Variants in EVI5 observed in about 807,000 individuals in gnomAD.
EVI5 encodes the protein ecotropic viral integration site 5, also known as ecotropic viral integration site 5 protein homolog.
A neutral mutation model predicts 112.0 loss-of-function variants in EVI5; 73 were observed. That is an observed-to-expected ratio of 0.65 (90% CI 0.54 to 0.79). The LOEUF (loss-of-function observed/expected upper bound fraction) is 0.79, where lower values mean the gene tolerates loss of function less well. Ranked by LOEUF, EVI5 falls within the 30% of genes least tolerant of loss-of-function variation. The probability of loss-of-function intolerance (pLI) is 0.00; values close to 1 mark genes in which losing one functional copy is unlikely to be tolerated. For synonymous variants in EVI5, 305 were observed against 319.9 expected (o/e 0.95, Z 0.50); for missense variants, 900 against 968.8 (o/e 0.93, Z 0.94).
At chr1:92,630,673 T>C (rs1328200904) in intron 14 of EVI5, among the ~76,000 whole-genome samples, 1 of 152,038 alleles carries the variant, frequency 6.6e-6, no homozygotes, top group Non-Finnish European at 1.5e-5. Context: ...TTTAGTTTAA[T>C]TAGATCCCAT....
At chr1:92,546,568 C>T (rs563787258) in intron 19 of EVI5, among the ~76,000 whole-genome samples, 1 of 151,920 alleles carries the variant, frequency 6.6e-6, no homozygotes, top group Non-Finnish European at 1.5e-5. Flanking sequence ...TGGTGGCACA[C>T]GCATGTAATA....
intron 14 of EVI5, among the ~76,000 whole-genome samples, chr1:92,634,481 G>C (rs1658274605): frequency 6.6e-6 from 1 of 152,046 alleles, no homozygotes; most frequent in Admixed American, 6.6e-5. Flanking sequence ...CGGCTACTGA[G>C]GCTTGTGCAT....
chr1:92,544,613 C>A (rs1276632098), intron 19 of EVI5, among the ~76,000 whole-genome samples: 1 of 152,010 alleles, frequency 6.6e-6, no homozygotes, highest in Non-Finnish European at 1.5e-5. Context: ...ATGGTTTAGA[C>A]TGAAATATTA....
intron 16 of EVI5, among the ~76,000 whole-genome samples, chr1:92,614,426 A>G (rs1324750869): frequency 6.6e-6 from 1 of 152,174 alleles, no homozygotes; most frequent in Non-Finnish European, 1.5e-5. Flanking sequence ...ACTTGATTGG[A>G]TTGAAGGATA....
intron 9 of EVI5, among the ~76,000 whole-genome samples, chr1:92,679,041 G>A (rs1341394287): frequency 6.6e-6 from 1 of 152,174 alleles, no homozygotes; most frequent in Admixed American, 6.5e-5. Flanking sequence ...TCATACAGCA[G>A]GAGGTGAACG....
chr1:92,774,210 C>G (rs1443716626), intron 1 of EVI5, among the ~76,000 whole-genome samples: 1 of 152,162 alleles, frequency 6.6e-6, no homozygotes, highest in African/African-American at 2.4e-5. Flanking sequence ...ACTTCAAGGT[C>G]TTTTCACCAT....
intron 16 of EVI5, among the ~76,000 whole-genome samples, chr1:92,608,225 TAG>T (rs1414611121): frequency 6.6e-6 from 1 of 152,122 alleles, no homozygotes; most frequent in Non-Finnish European, 1.5e-5. Flanking sequence ...CTGTCAATAT[TAG>T]AGACTCTCAA....
chr1:92,551,040 CTTTTTTTTTTTT>C lies in EVI5; in HGVS notation c.2166+12590_2166+12601del, dbSNP rs55898086. Among the ~76,000 whole-genome samples the C allele has an allele frequency of 1.8e-3, 143 of 80,730 alleles. 1 individual carries two copies. Among genetic ancestry groups the C allele is most frequent in the African/African-American group, 6.9e-3 (135 of 19,522 alleles). 53.0% of individuals were successfully genotyped at this position (80,730 alleles called of 152,430 possible). ...TCTTTTTTCTTTTCTTTCTTTCTTT[CTTTTTTTTTTTT>C]TTTTTTTTGAGACTTAGTCTCATTC... On this transcript the variant is annotated intron_variant, in intron 19 of 19. Coordinates refer to ENST00000684568, the MANE Select transcript of EVI5 (RefSeq NM_001350197.2).
intron 6 of EVI5, 124 bp from the exon 7 acceptor site, chr1:92,695,577 G>T: frequency 1.9e-6 from 1 of 523,046 alleles, no homozygotes; most frequent in Non-Finnish European, 3.2e-6. Flanking sequence ...GAAAAGGTAA[G>T]ACATAGACAT....
intron 19 of EVI5, among the ~76,000 whole-genome samples, chr1:92,517,410 T>C (rs1174007773): frequency 6.6e-6 from 1 of 152,158 alleles, no homozygotes; most frequent in African/African-American, 2.4e-5. Flanking sequence ...CAATCCCCCA[T>C]AGATACCAAG....
chr1:92,725,679 C>T (rs1052602496), intron 2 of EVI5, among the ~76,000 whole-genome samples: 2 of 150,436 alleles, frequency 1.3e-5, no homozygotes, highest in South Asian at 2.1e-4. Flanking sequence ...GCCGTGGTCA[C>T]GCCACTGTAC....
Position 92,702,221 on chromosome 1 carries a change from A to G in EVI5, c.565-6T>C. ...CGATCTACTAAAGAGTAAGCCTAAAAAGTAAAAAAAAGTTGTTCAAAATAC... is the reference window on the plus strand; with the variant it reads ...CGATCTACTAAAGAGTAAGCCTAAAGAGTAAAAAAAAGTTGTTCAAAATAC... On this transcript the variant is annotated splice_region_variant and splice_polypyrimidine_tract_variant and intron_variant, in intron 4 of 19. Coordinates refer to ENST00000684568, the MANE Select transcript of EVI5 (RefSeq NM_001350197.2). 6.7e-7 allele frequency: 1 copy of G among 1,484,494 alleles called. No individual in the cohort carries two copies. The highest frequency in any genetic ancestry group is 9.0e-7 in the Non-Finnish European group (1 of 1,107,484). The allele number at this position is 1,484,494 out of a possible 1,614,324, so 92.0% of individuals were successfully genotyped here.
intron 1 of EVI5, among the ~76,000 whole-genome samples, chr1:92,778,843 C>T (rs781278861): frequency 6.6e-6 from 1 of 152,182 alleles, no homozygotes; most frequent in Non-Finnish European, 1.5e-5. Flanking sequence ...CATCTTATAT[C>T]GGTTACATGG....
Position 92,725,872 on chromosome 1 carries a change from T to C in EVI5, c.149+10526A>G, listed in dbSNP as rs530979357. ...ATTAAAAGTTATTATAACTGTATCC[T>C]ATATATTCAAAAGTTTAATAGAGAC... On this transcript the variant is annotated intron_variant, in intron 2 of 19. Coordinates refer to ENST00000684568, the MANE Select transcript of EVI5 (RefSeq NM_001350197.2). Among the ~76,000 whole-genome samples, 9 of 152,288 alleles carry C rather than the reference T, an allele frequency of 5.9e-5. No individual in the cohort carries two copies. In the South Asian group the frequency reaches 1.7e-3, roughly 28 times the overall value.
chr1:92,629,243 G>C (rs1656349390), intron 14 of EVI5, among the ~76,000 whole-genome samples: 1 of 152,078 alleles, frequency 6.6e-6, no homozygotes, highest in Non-Finnish European at 1.5e-5. Context: ...GAGCTTTCTA[G>C]CAAAATTATT....
intron 13 of EVI5, among the ~76,000 whole-genome samples, chr1:92,640,925 T>G (rs928117816): frequency 1.3e-5 from 2 of 152,210 alleles, no homozygotes; most frequent in African/African-American, 4.8e-5. Flanking sequence ...TCATGTCTTT[T>G]GCAGGGACAT....
chr1:92,721,351 A>C (rs1674722859), intron 2 of EVI5, among the ~76,000 whole-genome samples: 1 of 152,256 alleles, frequency 6.6e-6, no homozygotes, highest in Non-Finnish European at 1.5e-5. Flanking sequence ...GCAGCCATAA[A>C]AAAGGATGAG....
rs1668616415 is a variant in EVI5, at chr1:92,561,621, CTAT to C, written c.2166+2018_2166+2020del. The stretch of plus-strand genomic sequence containing the variant: ...TATCTAATCTATCCTATCTATCTAT[CTAT>C]CTATCTATCTATCTATCTATCTATC... On this transcript the variant is annotated intron_variant, in intron 19 of 19. Coordinates refer to ENST00000684568, the MANE Select transcript of EVI5 (RefSeq NM_001350197.2). Among the ~76,000 whole-genome samples the C allele has an allele frequency of 7.2e-4, 92 of 128,344 alleles. No individual in the cohort carries two copies. In the Middle Eastern group the frequency reaches 0.012, roughly 16 times the overall value. The allele number at this position is 128,344 out of a possible 152,430, so 84.2% of individuals were successfully genotyped here.
intron 1 of EVI5, among the ~76,000 whole-genome samples, chr1:92,750,493 T>C (rs1680012562): frequency 6.6e-6 from 1 of 152,104 alleles, no homozygotes; most frequent in African/African-American, 2.4e-5. Context: ...AACACCACAA[T>C]CATCACACTA....
Sources: gnomAD v4.1 joint callset for allele counts (sites outside exome capture counted in the v4.1 genomes callset) on GRCh38, gnomAD v4.1.1 for gene constraint, MANE v1.5 for transcripts, NCBI Gene and HGNC (gene_info 2026-07-23, HGNC 2026-07-21) for gene names.